Variants in PCDH15 observed in about 807,000 individuals in gnomAD.
PCDH15 encodes the protein protocadherin related 15, also known as protocadherin-15.
In PCDH15, 129 loss-of-function variants were observed where a neutral mutation model predicts 178.5. The observed-to-expected ratio is 0.72, with a 90% CI of 0.63 to 0.84. PCDH15 has a LOEUF of 0.84. PCDH15 is among the 40% of genes least tolerant of loss of function. The probability of loss-of-function intolerance (pLI) is 0.00; values close to 1 mark genes in which losing one functional copy is unlikely to be tolerated. For synonymous variants in PCDH15, 800 were observed against 732.0 expected, an observed-to-expected ratio of 1.09 and a Z score of -1.50; for missense variants, 2,230 against 2,099.9, an observed-to-expected ratio of 1.06 and a Z score of -1.21.
chr10:54,633,158 T>C (rs2093749599), intron 2 of PCDH15, among the ~76,000 whole-genome samples: 1 of 151,992 alleles, frequency 6.6e-6, no homozygotes, highest in African/African-American at 2.4e-5. Flanking sequence ...TGGAAGGAGT[T>C]AAATGATTTT....
intron 3 of PCDH15, among the ~76,000 whole-genome samples, chr10:54,833,019 GA>G (rs1953250917): frequency 6.6e-6 from 1 of 151,964 alleles, no homozygotes; most frequent in Admixed American, 6.6e-5. Flanking sequence ...AAGGGACTAA[GA>G]AAAAAGCAAA....
intron 2 of PCDH15, among the ~76,000 whole-genome samples, chr10:55,600,909 C>T (rs1452422084): frequency 1.3e-5 from 2 of 151,964 alleles, no homozygotes; most frequent in Non-Finnish European, 2.9e-5. Flanking sequence ...ATTTTTGGCT[C>T]CATCCTACAG....
chr10:55,614,246 G>A (rs1843432302), intron 2 of PCDH15, among the ~76,000 whole-genome samples: 1 of 151,986 alleles, frequency 6.6e-6, no homozygotes, highest in East Asian at 1.9e-4. Flanking sequence ...TCTCTGAACC[G>A]ACATTACCTA....
chr10:55,378,877 ATCTCTCTCTCTCTCTC>A (rs67020951), intron 2 of PCDH15, among the ~76,000 whole-genome samples: 1 of 124,098 alleles, frequency 8.1e-6, no homozygotes, highest in Non-Finnish European at 1.8e-5. Flanking sequence ...AACTCTCCCC[ATCTCTCTCTCTCTCTC>A]TCTCTCTCTC....
chr10:54,819,026 G>T (rs1952993593), intron 3 of PCDH15, among the ~76,000 whole-genome samples: 1 of 151,984 alleles, frequency 6.6e-6, no homozygotes, highest in African/African-American at 2.4e-5. Context: ...TGGGGCTCAA[G>T]AAATTCTCCT....
intron 2 of PCDH15, among the ~76,000 whole-genome samples, chr10:54,603,958 A>T (rs1381088963): frequency 1.3e-4 from 20 of 151,994 alleles, no homozygotes; most frequent in Admixed American, 1.3e-3. Context: ...GCTATATCTC[A>T]CAACTGTTGG....
chr10:53,812,404 G>A (rs928900455), intron 35 of PCDH15, among the ~76,000 whole-genome samples: 1 of 151,692 alleles, frequency 6.6e-6, no homozygotes, highest in African/African-American at 2.4e-5. Flanking sequence ...TGGTAGAGAC[G>A]GGGTTTCACC....
At chr10:54,671,217 TGAAA>T (rs1443640384) in intron 1 of PCDH15, among the ~76,000 whole-genome samples, 1 of 152,064 alleles carries the variant, frequency 6.6e-6, no homozygotes, top group African/African-American at 2.4e-5. Context: ...AAAAGAAGCT[TGAAA>T]GAGAGTTCTG....
At chr10:54,477,454 C>T (rs76899766) in intron 3 of PCDH15, among the ~76,000 whole-genome samples, 7,147 of 152,248 alleles carry the variant, frequency 0.047, 226 homozygotes, top group South Asian at 0.13. Flanking sequence ...TGCATCTCTA[C>T]GCATCTGCGT....
At chr10:55,471,713 G>C (rs1319304403) in intron 2 of PCDH15, among the ~76,000 whole-genome samples, 1 of 152,160 alleles carries the variant, frequency 6.6e-6, no homozygotes, top group Non-Finnish European at 1.5e-5. Flanking sequence ...TTGAATAACT[G>C]AATATTATAG....
At chr10:54,911,775 C>T (rs1318062068) in intron 2 of PCDH15, among the ~76,000 whole-genome samples, 1 of 152,160 alleles carries the variant, frequency 6.6e-6, no homozygotes, top group Non-Finnish European at 1.5e-5. Flanking sequence ...GGCAGTTTCC[C>T]TTGCACTCTG....
intron 2 of PCDH15, among the ~76,000 whole-genome samples, chr10:54,929,345 T>C (rs1837710470): frequency 6.6e-6 from 1 of 152,130 alleles, no homozygotes; most frequent in South Asian, 2.1e-4. Context: ...CTTCAATGGG[T>C]GGTGTCAGAC....
intron 2 of PCDH15, among the ~76,000 whole-genome samples, chr10:55,546,287 T>C (rs979494605): frequency 2.6e-5 from 4 of 152,170 alleles, no homozygotes; most frequent in Admixed American, 2.0e-4. Context: ...ATACTTTTCC[T>C]GATATGAGTT....
At chr10:54,619,923 C>CA (rs144441332) in intron 2 of PCDH15, among the ~76,000 whole-genome samples, 5,761 of 152,046 alleles carry the variant, frequency 0.038, 342 homozygotes, top group African/African-American at 0.13. Context: ...ATCCAACCCA[C>CA]ACCTGATTTT....
At chr10:53,819,621 T>TTAAG (rs1471665934) in intron 33 of PCDH15, among the ~76,000 whole-genome samples, 2 of 152,032 alleles carry the variant, frequency 1.3e-5, no homozygotes, top group Non-Finnish European at 2.9e-5. Flanking sequence ...GTCATCTTTC[T>TTAAG]TAAGTCTTTA....
At chr10:53,813,486 G>A (rs1170509639) in intron 35 of PCDH15, among the ~76,000 whole-genome samples, 2 of 152,128 alleles carry the variant, frequency 1.3e-5, no homozygotes, top group Non-Finnish European at 2.9e-5. Flanking sequence ...GGACACAGAA[G>A]AGCTAAAACT....
chr10:53,894,666 G>A (rs1442479812), intron 26 of PCDH15, among the ~76,000 whole-genome samples: 3 of 152,104 alleles, frequency 2.0e-5, no homozygotes, highest in Admixed American at 6.6e-5. Flanking sequence ...AGTAATCTAC[G>A]CTATTTGACC....
intron 1 of PCDH15, among the ~76,000 whole-genome samples, chr10:54,712,910 T>C (rs2095440767): frequency 6.6e-6 from 1 of 152,036 alleles, no homozygotes; most frequent in Non-Finnish European, 1.5e-5. Context: ...GTAAAACAGA[T>C]TTTAGTATTC....
At chr10:53,840,273 T>C (rs1451990561) in intron 29 of PCDH15, 47 bp downstream of exon 29, 2 of 1,571,292 alleles carry the variant, frequency 1.3e-6, no homozygotes, top group Admixed American at 1.7e-5. Flanking sequence ...TCATCTATGG[T>C]TGCTATTGTA....
Sources: allele counts gnomAD v4.1 joint callset (sites outside exome capture counted in the v4.1 genomes callset), GRCh38; gene constraint gnomAD v4.1.1; transcripts MANE v1.5; gene names NCBI Gene and HGNC (gene_info 2026-07-23, HGNC 2026-07-21).